The following TAFA2 variants were observed in gnomAD, a reference collection of about 807,000 sequenced individuals.
TAFA2 encodes the protein chemokine-like protein TAFA-2.
Under a neutral mutation model 18.8 loss-of-function variants are expected in TAFA2, and 7 were observed. The observed-to-expected ratio is 0.37, with a 90% CI of 0.21 to 0.70. The LOEUF is 0.70. Ranked by LOEUF, TAFA2 falls within the 30% of genes least tolerant of loss-of-function variation. TAFA2 has a pLI of 0.53. For synonymous variants in TAFA2, 60 were observed against 54.2 expected, an observed-to-expected ratio of 1.11 and a Z score of -0.47; for missense variants, 122 against 158.1, an observed-to-expected ratio of 0.77 and a Z score of 1.23.
intron 1 of TAFA2, among the ~76,000 whole-genome samples, chr12:62,158,062 C>T (rs2136927052): frequency 6.6e-6 from 1 of 152,284 alleles, no homozygotes; most frequent in African/African-American, 2.4e-5. Context: ...GGTTAAATCA[C>T]ATTCCCTATA....
chr12:61,718,888 T>G (rs920044941), intron 4 of TAFA2, among the ~76,000 whole-genome samples: 3 of 152,156 alleles, frequency 2.0e-5, no homozygotes, highest in Non-Finnish European at 4.4e-5. Flanking sequence ...CTTTAAAAAA[T>G]GAGTTTAAGA....
At chr12:62,209,545 C>T (rs999537813) in intron 1 of TAFA2, among the ~76,000 whole-genome samples, 2 of 152,150 alleles carry the variant, frequency 1.3e-5, no homozygotes, top group Non-Finnish European at 2.9e-5. Context: ...AAGTACAAAC[C>T]ATGGTGAAAG....
rs749116315 is a variant in TAFA2 at position 62,148,941 on chromosome 12, C to G, written c.-2+42318G>C. ...TTTTTGAGACATTCCAATCTAATTG[C>G]CTTTCAAGTTTTTCTTTGATCCCAT... On this transcript the variant is annotated intron_variant, in intron 1 of 4. Coordinates refer to ENST00000416284, the MANE Select transcript of TAFA2 (RefSeq NM_178539.5). Among the ~76,000 whole-genome samples, 4 of 152,168 alleles carry G rather than the reference C, an allele frequency of 2.6e-5. No individual in the cohort carries two copies. The East Asian group carries it at 7.7e-4, about 29-fold the overall frequency.
At chr12:62,036,068 T>C (rs1881603949) in intron 1 of TAFA2, among the ~76,000 whole-genome samples, 2 of 152,096 alleles carry the variant, frequency 1.3e-5, no homozygotes, top group South Asian at 4.1e-4. Context: ...TGACCTGTCC[T>C]GAATACTGTA....
At chr12:62,064,374 C>T (rs984064050) in intron 1 of TAFA2, among the ~76,000 whole-genome samples, 8 of 151,910 alleles carry the variant, frequency 5.3e-5, no homozygotes, top group Non-Finnish European at 1.2e-4. Flanking sequence ...TTCCACAAAC[C>T]CACTTGGTTT....
intron 1 of TAFA2, among the ~76,000 whole-genome samples, chr12:61,952,802 G>A (rs1288209130): frequency 6.6e-6 from 1 of 151,742 alleles, no homozygotes; most frequent in Non-Finnish European, 1.5e-5. Context: ...CTCAGAATCA[G>A]GCATTCTCCC....
At chr12:61,956,112 G>T (rs1365495200) in intron 1 of TAFA2, among the ~76,000 whole-genome samples, 1 of 151,810 alleles carries the variant, frequency 6.6e-6, no homozygotes, top group Non-Finnish European at 1.5e-5. Flanking sequence ...AAACACTTTC[G>T]TTCTATATTT....
chr12:62,028,091 G>T (rs1370205294), intron 1 of TAFA2, among the ~76,000 whole-genome samples: 1 of 152,116 alleles, frequency 6.6e-6, no homozygotes, highest in African/African-American at 2.4e-5. Context: ...CCACATTATG[G>T]TTAGAAGAAG....
intron 4 of TAFA2, among the ~76,000 whole-genome samples, chr12:61,744,716 G>A (rs1868617570): frequency 6.6e-6 from 1 of 151,844 alleles, no homozygotes; most frequent in Non-Finnish European, 1.5e-5. Flanking sequence ...CACCACATCT[G>A]CCTAATTTTT....
intron 2 of TAFA2, among the ~76,000 whole-genome samples, chr12:61,796,922 C>A (rs1871211269): frequency 6.6e-6 from 1 of 152,152 alleles, no homozygotes; most frequent in Non-Finnish European, 1.5e-5. Context: ...AGAAAAACAT[C>A]TAACAACTAG....
intron 1 of TAFA2, among the ~76,000 whole-genome samples, chr12:61,980,235 C>T (rs886075302): frequency 6.6e-6 from 1 of 151,918 alleles, no homozygotes; most frequent in African/African-American, 2.4e-5. Context: ...CAGAAAAGTC[C>T]CTCGACAAAA....
chr12:62,055,793 C>T (rs1882173334), intron 1 of TAFA2, among the ~76,000 whole-genome samples: 3 of 151,922 alleles, frequency 2.0e-5, no homozygotes, highest in South Asian at 2.1e-4. Context: ...AATAGAGATA[C>T]TAGAACACAT....
chr12:62,021,584 G>T (rs1414831670), intron 1 of TAFA2: 24 of 870,122 alleles, frequency 2.8e-5, no homozygotes, highest in Non-Finnish European at 3.8e-5. Context: ...GTGGGGACTG[G>T]CTGGGTGACG....
intron 1 of TAFA2, among the ~76,000 whole-genome samples, chr12:62,183,652 T>G (rs1161187533): frequency 6.6e-6 from 1 of 152,170 alleles, no homozygotes; most frequent in East Asian, 1.9e-4. Context: ...CCCAAAGTGT[T>G]GGGATTACAA....
chr12:62,217,786 A>G (rs1183497710), intron 1 of TAFA2, among the ~76,000 whole-genome samples: 1 of 152,300 alleles, frequency 6.6e-6, no homozygotes, highest in East Asian at 1.9e-4. Context: ...GACATTCTTC[A>G]GTAAACTTCT....
chr12:61,735,306 T>C (rs1487322092), intron 4 of TAFA2, among the ~76,000 whole-genome samples: 1 of 152,066 alleles, frequency 6.6e-6, no homozygotes, highest in East Asian at 1.9e-4. Context: ...TTTGGATGTA[T>C]TTCTGTTAAA....
intron 1 of TAFA2, among the ~76,000 whole-genome samples, chr12:62,113,983 T>G (rs943353085): frequency 1.3e-5 from 2 of 152,176 alleles, no homozygotes; most frequent in Admixed American, 1.3e-4. Context: ...CTTACGCCCC[T>G]TTCCAAGGGA....
At chr12:62,230,623 C>T (rs1452033194) in intron 1 of TAFA2, among the ~76,000 whole-genome samples, 1 of 151,994 alleles carries the variant, frequency 6.6e-6, no homozygotes, top group Non-Finnish European at 1.5e-5. Context: ...TGTTTTGTGG[C>T]CTAACATAAG....
intron 1 of TAFA2, among the ~76,000 whole-genome samples, chr12:62,037,429 G>A (rs1215269233): frequency 1.3e-5 from 2 of 152,136 alleles, no homozygotes; most frequent in Non-Finnish European, 2.9e-5. Flanking sequence ...CTTGAGTTCT[G>A]GCTCAAAATT....
Sources: allele counts gnomAD v4.1 joint callset (sites outside exome capture counted in the v4.1 genomes callset), GRCh38; gene constraint gnomAD v4.1.1; transcripts MANE v1.5; gene names NCBI Gene and HGNC (gene_info 2026-07-23, HGNC 2026-07-21).